PHF3: variants seen among roughly 807,000 people sequenced by gnomAD.
The protein encoded by PHF3 is PHD finger protein 3.
In PHF3, 41 loss-of-function variants were observed where a neutral mutation model predicts 178.4. That is an observed-to-expected ratio of 0.23 (90% confidence interval 0.18 to 0.30). PHF3 has a LOEUF of 0.30. Ranked by LOEUF, PHF3 falls within the 10% of genes least tolerant of loss-of-function variation. PHF3 has a pLI of 1.00. For missense variants in PHF3, 2,346 were observed against 2,398.1 expected (o/e 0.98, Z 0.45); for synonymous variants, 842 against 800.5 (o/e 1.05, Z -0.88).
intron 2 of PHF3, among the ~76,000 whole-genome samples, chr6:63,666,607 C>T (rs531497185): frequency 8.5e-5 from 13 of 152,138 alleles, no homozygotes; most frequent in South Asian, 4.1e-4. Context: ...AACCTGTGCA[C>T]ATCCTCCTAT....
chr6:63,706,006 C>T, intron 11 of PHF3, 23 bp from the exon 12 acceptor site: 9 of 1,565,778 alleles, frequency 5.7e-6, no homozygotes, highest in Non-Finnish European at 7.8e-6. Context: ...CAGTTGGTTT[C>T]TTTTGATGTA....
At position 63,721,246 on chromosome 6, in the gene PHF3, G is replaced by T; in HGVS notation, c.*7538G>T. 2 of 1,551,824 alleles carry T rather than the reference G, an allele frequency of 1.3e-6. No individual in the cohort carries two copies. The highest frequency in any genetic ancestry group is 1.7e-6 in the Non-Finnish European group (2 of 1,146,940). On this transcript the variant is annotated 3_prime_UTR_variant, in exon 16 of 16. Coordinates refer to ENST00000262043, the MANE Select transcript of PHF3 (RefSeq NM_001370348.2). ...CAACTGTAAGAAAATGATTGGTCAG[G>T]TATACATAAAGATTGGTGGAGGCAA...
At chr6:63,682,045 A>T (rs1766461453) in intron 3 of PHF3, among the ~76,000 whole-genome samples, 1 of 152,102 alleles carries the variant, frequency 6.6e-6, no homozygotes, top group African/African-American at 2.4e-5. Flanking sequence ...AGTATATACA[A>T]ATTCACTTAA....
At chr6:63,687,998 C>T (rs1192319312) in intron 4 of PHF3, among the ~76,000 whole-genome samples, 1 of 151,918 alleles carries the variant, frequency 6.6e-6, no homozygotes, top group African/African-American at 2.4e-5. Flanking sequence ...TCCTGGCTAA[C>T]ACGGTGAAAC....
At chr6:63,653,861 T>TA (rs1450617262) in intron 2 of PHF3, among the ~76,000 whole-genome samples, 2 of 152,198 alleles carry the variant, frequency 1.3e-5, no homozygotes, top group Non-Finnish European at 2.9e-5. Context: ...TTTTATCACT[T>TA]ACGCTTTTCC....
At chr6:63,678,332 C>T (rs1766273579) in intron 2 of PHF3, among the ~76,000 whole-genome samples, 1 of 152,092 alleles carries the variant, frequency 6.6e-6, no homozygotes, top group East Asian at 1.9e-4. Context: ...AATAGCCTAA[C>T]TGGAGTTCCT....
chr6:63,652,665 G>A (rs1765066538), intron 2 of PHF3, among the ~76,000 whole-genome samples: 1 of 152,026 alleles, frequency 6.6e-6, no homozygotes, highest in Admixed American at 6.6e-5. Flanking sequence ...CTTAGTTTTG[G>A]ATCTTACATT....
In PHF3 at chr6:63,717,342, A is replaced by G. The variant is rs1357610108; in HGVS notation, c.*3634A>G. Among the ~76,000 whole-genome samples the G allele has an allele frequency of 6.6e-6, 1 of 152,092 alleles. No homozygotes were observed. Among genetic ancestry groups the G allele is most frequent in the Non-Finnish European group, 1.5e-5 (1 of 67,986 alleles). Reference sequence around the variant, plus strand: ...CAGTATTTTAACATTTGGATATACTAGTTGTACTATGCTTATCTCAGATCC... The same window carrying G: ...CAGTATTTTAACATTTGGATATACTGGTTGTACTATGCTTATCTCAGATCC... On this transcript the variant is annotated 3_prime_UTR_variant, in exon 16 of 16. Coordinates refer to ENST00000262043, the MANE Select transcript of PHF3 (RefSeq NM_001370348.2).
chr6:63,698,010 A>G (rs1325557799), intron 6 of PHF3, among the ~76,000 whole-genome samples: 6 of 152,206 alleles, frequency 3.9e-5, no homozygotes. Context: ...TCTAAAAGCC[A>G]TTGTCTAAAT....
At chr6:63,678,248 A>G (rs1766269150) in intron 2 of PHF3, among the ~76,000 whole-genome samples, 2 of 151,832 alleles carry the variant, frequency 1.3e-5, no homozygotes, top group Admixed American at 6.6e-5. Flanking sequence ...AAAACAAAAA[A>G]CAACAAAAAA....
chr6:63,675,901 T>TC (rs1766144667), intron 2 of PHF3, among the ~76,000 whole-genome samples: 1 of 152,210 alleles, frequency 6.6e-6, no homozygotes, highest in Non-Finnish European at 1.5e-5. Context: ...TAACTCCTTC[T>TC]CATCTGATTC....
At chr6:63,674,991 C>A (rs751500531) in intron 2 of PHF3, among the ~76,000 whole-genome samples, 1 of 152,020 alleles carries the variant, frequency 6.6e-6, no homozygotes. Flanking sequence ...GGTTTTTATT[C>A]TCTTTATCTC....
Position 63,712,939 on chromosome 6 carries a change from C to A in PHF3, c.5351C>A (p.Ser1784Tyr). 1 of 1,614,000 alleles carries A rather than the reference C, an allele frequency of 6.2e-7. No homozygotes were observed. Among genetic ancestry groups the A allele is most frequent in the Non-Finnish European group, 8.5e-7 (1 of 1,179,966 alleles). ...CCTTCTAAAAGCATCACCTTTACTT[C>A]CAGAAGCACCAGCCCCAGAACAAGT... Reference protein sequence around the residue: ...EFPSKSITFTSRSTSPRTSTN... With the variant: ...EFPSKSITFTYRSTSPRTSTN... Residue 1784 changes from serine to tyrosine, a missense_variant, in exon 16 of 16, where the codon TCC becomes TAC. Coordinates refer to ENST00000262043, the MANE Select transcript of PHF3 (RefSeq NM_001370348.2).
At chr6:63,680,255 G>T in intron 3 of PHF3, 94 bp downstream of exon 3, 1 of 1,134,998 alleles carries the variant, frequency 8.8e-7, no homozygotes, top group Non-Finnish European at 1.2e-6. Context: ...ATATTTTCTT[G>T]ATGTTTTGCT....
At position 63,718,465 on chromosome 6, in the gene PHF3, C is replaced by G. The variant is rs544174591; in HGVS notation, c.*4757C>G. Among the ~76,000 whole-genome samples, 3 of 152,082 alleles carry G rather than the reference C, an allele frequency of 2.0e-5. No homozygotes were observed. The highest frequency in any genetic ancestry group is 6.6e-5 in the Admixed American group (1 of 15,232). On this transcript the variant is annotated 3_prime_UTR_variant, in exon 16 of 16. Coordinates refer to ENST00000262043, the MANE Select transcript of PHF3 (RefSeq NM_001370348.2). The stretch of plus-strand genomic sequence containing the variant: ...AAATATTTGTTAATGATAATCTCAT[C>G]TGTTAATGTAACATTTATATAAAAG...
At chr6:63,660,158 G>A (rs569119961) in intron 2 of PHF3, among the ~76,000 whole-genome samples, 13 of 151,904 alleles carry the variant, frequency 8.6e-5, no homozygotes, top group South Asian at 6.2e-4. Context: ...CCAAAATGGC[G>A]CTTAGTTATT....
chr6:63,681,114 T>A (rs1766416409), intron 3 of PHF3, among the ~76,000 whole-genome samples: 1 of 152,136 alleles, frequency 6.6e-6, no homozygotes, highest in East Asian at 1.9e-4. Flanking sequence ...GGAAATCATT[T>A]TCCTTCAGAA....
chr6:63,664,958 A>T (rs1481280609), intron 2 of PHF3, among the ~76,000 whole-genome samples: 1 of 152,136 alleles, frequency 6.6e-6, no homozygotes, highest in African/African-American at 2.4e-5. Context: ...CATTTCTGCC[A>T]TCTTTCAGTG....
chr6:63,712,559 A>T lies in PHF3; in HGVS notation c.4971A>T (p.Gly1657=). The T allele has an allele frequency of 6.2e-7, 1 of 1,613,896 alleles. No individual in the cohort carries two copies. The highest frequency in any genetic ancestry group is 8.5e-7 in the Non-Finnish European group (1 of 1,179,906). ...AAAGGGATCCTAGGCAAGCAGCAGG[A>T]CGAAGTCAGCCTGTAACTACTTCAG... ...NLKRDPRQAA[G]RSQPVTTSES... is the part of the protein sequence containing the mutation. Residue 1657 remains glycine, a synonymous_variant, in exon 16 of 16, where the codon GGA becomes GGT. Coordinates refer to ENST00000262043, the MANE Select transcript of PHF3 (RefSeq NM_001370348.2).
Sources: gnomAD v4.1 joint callset for allele counts (sites outside exome capture counted in the v4.1 genomes callset) on GRCh38, gnomAD v4.1.1 for gene constraint, MANE v1.5 for transcripts, NCBI Gene and HGNC (gene_info 2026-07-23, HGNC 2026-07-21) for gene names.